DYM: variants seen among roughly 807,000 people sequenced by gnomAD.
DYM encodes dymeclin.
In DYM, 78 loss-of-function variants were observed where a neutral mutation model predicts 93.1. That is an observed-to-expected ratio of 0.84 (90% CI 0.70 to 1.01). DYM has a LOEUF of 1.01. DYM is among the 50% of genes least tolerant of loss of function. The probability of loss-of-function intolerance (pLI) is 0.00; values close to 1 mark genes in which losing one functional copy is unlikely to be tolerated. For synonymous variants in DYM, 321 were observed against 319.7 expected, an observed-to-expected ratio of 1.00 and a Z score of -0.04; for missense variants, 789 against 845.0, an observed-to-expected ratio of 0.93 and a Z score of 0.82.
intron 5 of DYM, among the ~76,000 whole-genome samples, chr18:49,367,209 C>A (rs922840582): frequency 7.2e-5 from 11 of 152,156 alleles, no homozygotes; most frequent in African/African-American, 2.7e-4. Flanking sequence ...TACAAATAAT[C>A]TAAAACAATG....
At chr18:49,079,994 C>T (rs1171457513) in intron 17 of DYM, among the ~76,000 whole-genome samples, 2 of 150,550 alleles carry the variant, frequency 1.3e-5, no homozygotes, top group Non-Finnish European at 3.0e-5. Context: ...GGCAGAGGCG[C>T]CCCTCACCTC....
At chr18:49,226,150 G>A (rs1370137113) in intron 13 of DYM, among the ~76,000 whole-genome samples, 1 of 152,118 alleles carries the variant, frequency 6.6e-6, no homozygotes, top group East Asian at 1.9e-4. Flanking sequence ...TAAAGGTTTT[G>A]TAAACAGTAA....
At chr18:49,249,930 T>C (rs1354452056) in intron 13 of DYM, among the ~76,000 whole-genome samples, 1 of 152,232 alleles carries the variant, frequency 6.6e-6, no homozygotes, top group Non-Finnish European at 1.5e-5. Flanking sequence ...ATTGTTTTAA[T>C]TAAAACCTAA....
At chr18:49,420,175 T>G (rs397858976) in intron 2 of DYM, among the ~76,000 whole-genome samples, 12,181 of 150,270 alleles carry the variant, frequency 0.081, 715 homozygotes, top group African/African-American at 0.15. Context: ...GTTTTTTTTT[T>G]TTTTTTTTTG....
chr18:49,410,530 T>C (rs1327501511), intron 2 of DYM, among the ~76,000 whole-genome samples: 1 of 149,670 alleles, frequency 6.7e-6, no homozygotes, highest in Non-Finnish European at 1.5e-5. Flanking sequence ...AAAAAAAAAG[T>C]CTTATTATAT....
Position 49,286,636 on chromosome 18 carries a change from G to A in DYM, c.764-20C>T, listed in dbSNP as rs1459086462. The A allele has an allele frequency of 6.2e-7, 1 of 1,610,930 alleles. No homozygotes were observed. The highest frequency in any genetic ancestry group is 8.5e-7 in the Non-Finnish European group (1 of 1,178,298). On this transcript the variant is annotated intron_variant, in intron 8 of 17. Transcript: ENST00000675505. ...GTCCTGCTGGGGAGGAAAACACCCT[G>A]TTAGGATGTGCTGCCACCAATGAGA... is the stretch of plus-strand genomic sequence containing the variant.
chr18:49,303,211 G>A lies in DYM; in HGVS notation c.764-16595C>T, dbSNP rs537514559. On this transcript the variant is annotated intron_variant, in intron 8 of 17. Transcript: ENST00000675505. ...CTGCATTTCCTGATTTCTCCTGAGG[G>A]ACAATCTCTCTTAGGCATTTTGCCC... Among the ~76,000 whole-genome samples, 12 of 152,248 alleles carry A rather than the reference G, an allele frequency of 7.9e-5. 1 individual carries two copies. The South Asian group carries it at 2.1e-3, about 26-fold the overall frequency.
chr18:49,377,006 G>A (rs974909372), intron 5 of DYM, among the ~76,000 whole-genome samples: 9 of 152,164 alleles, frequency 5.9e-5, no homozygotes, highest in African/African-American at 2.2e-4. Flanking sequence ...TCTACCATCA[G>A]GTAATGGGGT....
intron 8 of DYM, among the ~76,000 whole-genome samples, chr18:49,302,030 T>C (rs931242777): frequency 1.3e-5 from 2 of 152,194 alleles, no homozygotes; most frequent in African/African-American, 2.4e-5. Context: ...TTAAAAATAA[T>C]GGAATCATAA....
In DYM at chr18:49,338,449, T is replaced by C. The variant is rs554533712; in HGVS notation, c.495-4596A>G. Reference sequence around the variant, plus strand: ...TCACTTTTATGAAATAATAAACAAATAGCCAAGTCAACCTTGACAATAAAG... The same window carrying C: ...TCACTTTTATGAAATAATAAACAAACAGCCAAGTCAACCTTGACAATAAAG... On this transcript the variant is annotated intron_variant, in intron 6 of 17. Coordinates refer to ENST00000675505, the MANE Select transcript of DYM (RefSeq NM_001353214.3). Among the ~76,000 whole-genome samples the C allele has an allele frequency of 3.9e-5, 6 of 152,234 alleles. No individual in the cohort carries two copies. In the East Asian group the frequency reaches 7.7e-4, roughly 20 times the overall value.
At chr18:49,356,830 T>G (rs962322022) in intron 6 of DYM, among the ~76,000 whole-genome samples, 5 of 152,258 alleles carry the variant, frequency 3.3e-5, no homozygotes, top group African/African-American at 1.2e-4. Context: ...ATAATGTTAT[T>G]ACATTTTTAA....
chr18:49,441,644 G>C (rs551448119), intron 1 of DYM, among the ~76,000 whole-genome samples: 1 of 151,982 alleles, frequency 6.6e-6, no homozygotes, highest in East Asian at 1.9e-4. Context: ...CAGATCAAGG[G>C]AAGTGTGGAA....
chr18:49,112,846 T>C (rs1021501947), intron 16 of DYM, among the ~76,000 whole-genome samples: 1 of 152,178 alleles, frequency 6.6e-6, no homozygotes, highest in African/African-American at 2.4e-5. Context: ...CACTATTCTC[T>C]GTGCCTAGAG....
Position 49,281,316 on chromosome 18 carries a change from A to C in DYM, c.1125+681T>G, listed in dbSNP as rs559517937. Among the ~76,000 whole-genome samples the C allele has an allele frequency of 3.9e-3, 591 of 152,344 alleles. 2 individuals are homozygous for C. The highest frequency in any genetic ancestry group is 6.6e-3 in the Non-Finnish European group (447 of 68,032). On this transcript the variant is annotated intron_variant, in intron 10 of 17. Transcript: ENST00000675505. The stretch of plus-strand genomic sequence containing the variant: ...AGTCAGGAAACAACAGGTGCTGGAG[A>C]GGATGTGGAGAAATAGGAACACTTT...
chr18:49,434,346 CAAAA>C (rs60975784), intron 1 of DYM, among the ~76,000 whole-genome samples: 2 of 134,632 alleles, frequency 1.5e-5, no homozygotes, highest in Admixed American at 7.5e-5. Flanking sequence ...GACTCCATCT[CAAAA>C]AAAAAAAAAA....
At chr18:49,261,864 T>C (rs757655668) in intron 11 of DYM, among the ~76,000 whole-genome samples, 13 of 152,200 alleles carry the variant, frequency 8.5e-5, no homozygotes, top group Non-Finnish European at 1.5e-4. Context: ...TTAGTGTGTA[T>C]ACTCTAGACC....
chr18:49,088,102 A>C (rs1230076101), intron 17 of DYM, among the ~76,000 whole-genome samples: 1 of 152,094 alleles, frequency 6.6e-6, no homozygotes, highest in Non-Finnish European at 1.5e-5. Context: ...TTTGCTGTGC[A>C]GAAGCTCTTT....
chr18:49,362,641 G>T lies in DYM; in HGVS notation c.494+520C>A, dbSNP rs540475467. Among the ~76,000 whole-genome samples, 4 of 152,280 alleles carry T rather than the reference G, an allele frequency of 2.6e-5. No homozygotes were observed. The East Asian group carries it at 7.7e-4, about 29-fold the overall frequency. ...AGGGCTGTTAAGATCAAAAAGATGT[G>T]CCTCCTAGCTGACTCAATCAGTTCC... On this transcript the variant is annotated intron_variant, in intron 6 of 17. Coordinates refer to ENST00000675505, the MANE Select transcript of DYM (RefSeq NM_001353214.3).
intron 10 of DYM, among the ~76,000 whole-genome samples, chr18:49,281,557 T>C (rs1433085814): frequency 2.0e-5 from 3 of 152,186 alleles, no homozygotes; most frequent in Non-Finnish European, 4.4e-5. Flanking sequence ...CCAAGCCAAA[T>C]GTCCAACAAT....
Sources: allele counts gnomAD v4.1 joint callset (sites outside exome capture counted in the v4.1 genomes callset), GRCh38; gene constraint gnomAD v4.1.1; transcripts MANE v1.5; gene names NCBI Gene and HGNC (gene_info 2026-07-23, HGNC 2026-07-21).